SOX6: variants seen among roughly 807,000 people sequenced by gnomAD.
SOX6 encodes the protein SRY-box transcription factor 6.
A neutral mutation model predicts 97.8 loss-of-function variants in SOX6; 11 were observed. That is an observed-to-expected ratio of 0.11 (90% CI 0.07 to 0.19). The LOEUF is 0.19. Ranked by LOEUF, SOX6 falls within the 10% of genes least tolerant of loss-of-function variation. The pLI, the probability that SOX6 is intolerant of heterozygous loss-of-function variation, is 1.00. For missense variants in SOX6, 810 were observed against 1,039.5 expected (o/e 0.78, Z 3.04); for synonymous variants, 360 against 371.4 (o/e 0.97, Z 0.35).
At chr11:16,730,388 C>A (rs1848340535) in intron 2 of SOX6, among the ~76,000 whole-genome samples, 1 of 152,102 alleles carries the variant, frequency 6.6e-6, no homozygotes, top group South Asian at 2.1e-4. Context: ...GAAGTAAAAA[C>A]CAACAGTCTT....
chr11:16,712,078 TACACACACACACACAC>T (rs58807051), intron 3 of SOX6, among the ~76,000 whole-genome samples: 17 of 139,998 alleles, frequency 1.2e-4, no homozygotes, highest in South Asian at 4.8e-4. Context: ...TAGTATTCCA[TACACACACACACACAC>T]ACACACACAC....
chr11:16,557,893 C>T (rs1241866263), intron 4 of SOX6, among the ~76,000 whole-genome samples: 2 of 151,810 alleles, frequency 1.3e-5, no homozygotes, highest in Non-Finnish European at 1.5e-5. Context: ...ATAGCTACAA[C>T]ATAATGGCTT....
chr11:16,674,133 T>A (rs2134025964), intron 3 of SOX6, among the ~76,000 whole-genome samples: 1 of 135,066 alleles, frequency 7.4e-6, no homozygotes, highest in Admixed American at 9.4e-5. Flanking sequence ...GAGCTTGCAG[T>A]GAGTCGAGAT....
intron 1 of SOX6, among the ~76,000 whole-genome samples, chr11:16,422,961 T>C (rs1347872983): frequency 1.3e-5 from 2 of 152,202 alleles, no homozygotes; most frequent in African/African-American, 2.4e-5. Context: ...TCTTCTATAG[T>C]CTATTCTTCT....
chr11:16,646,846 T>G (rs1849021490), intron 3 of SOX6, among the ~76,000 whole-genome samples: 1 of 152,208 alleles, frequency 6.6e-6, no homozygotes, highest in Admixed American at 6.5e-5. Context: ...GCTATAAACA[T>G]GCATGTGCAA....
chr11:16,017,271 A>G (rs1347319979), intron 12 of SOX6, among the ~76,000 whole-genome samples: 3 of 152,156 alleles, frequency 2.0e-5, no homozygotes, highest in Non-Finnish European at 4.4e-5. Flanking sequence ...TTCATTGAAA[A>G]AAAAATCTTC....
chr11:16,297,116 G>C (rs937131157), intron 3 of SOX6, among the ~76,000 whole-genome samples: 26 of 152,154 alleles, frequency 1.7e-4, no homozygotes, highest in African/African-American at 6.3e-4. Flanking sequence ...AAGCAGATGA[G>C]AGAGAATGCA....
intron 4 of SOX6, among the ~76,000 whole-genome samples, chr11:16,191,291 C>A (rs1851623724): frequency 6.6e-6 from 1 of 151,960 alleles, no homozygotes. Flanking sequence ...CCTGTCTCTC[C>A]AAAAATTTTT....
At chr11:16,673,085 A>G (rs973846145) in intron 3 of SOX6, among the ~76,000 whole-genome samples, 1 of 152,206 alleles carries the variant, frequency 6.6e-6, no homozygotes, top group Non-Finnish European at 1.5e-5. Flanking sequence ...AACAAAAACA[A>G]AAACAAAACA....
At chr11:16,696,913 A>C (rs1385915481) in intron 3 of SOX6, among the ~76,000 whole-genome samples, 1 of 151,762 alleles carries the variant, frequency 6.6e-6, no homozygotes, top group Non-Finnish European at 1.5e-5. Context: ...ACTTCTTTCA[A>C]AGTTGGAGTC....
chr11:16,336,509 A>G (rs2134332804), intron 2 of SOX6, among the ~76,000 whole-genome samples: 1 of 152,280 alleles, frequency 6.6e-6, no homozygotes. Flanking sequence ...TCTTCTGCTT[A>G]TCATCAATCA....
intron 3 of SOX6, among the ~76,000 whole-genome samples, chr11:16,647,573 C>T (rs911759571): frequency 1.3e-5 from 2 of 152,132 alleles, no homozygotes; most frequent in Non-Finnish European, 1.5e-5. Context: ...TGATCTTTTG[C>T]TCCAAGAACC....
At chr11:16,716,717 G>A (rs1374993476) in intron 2 of SOX6, among the ~76,000 whole-genome samples, 1 of 151,492 alleles carries the variant, frequency 6.6e-6, no homozygotes, top group Non-Finnish European at 1.5e-5. Flanking sequence ...TCATACAATG[G>A]CATACTATAT....
intron 14 of SOX6, among the ~76,000 whole-genome samples, chr11:15,987,236 A>G (rs1236443378): frequency 6.6e-6 from 1 of 152,182 alleles, no homozygotes; most frequent in East Asian, 1.9e-4. Flanking sequence ...ACTGGATGTT[A>G]GCGATTCTTC....
At chr11:16,732,877 TAAAAC>T (rs1430398949) in intron 2 of SOX6, among the ~76,000 whole-genome samples, 2 of 152,036 alleles carry the variant, frequency 1.3e-5, no homozygotes, top group African/African-American at 4.8e-5. Flanking sequence ...GCACAGAACT[TAAAAC>T]AAATTTACAA....
chr11:16,619,490 C>T (rs530496341), intron 3 of SOX6, among the ~76,000 whole-genome samples: 3 of 151,990 alleles, frequency 2.0e-5, no homozygotes, highest in Admixed American at 6.6e-5. Context: ...TTATTATCCA[C>T]GATGTCTTTC....
intron 6 of SOX6, among the ~76,000 whole-genome samples, chr11:16,177,982 A>G (rs543337293): frequency 2.0e-5 from 3 of 152,024 alleles, no homozygotes; most frequent in African/African-American, 7.2e-5. Context: ...ACAGATAGAG[A>G]AGGGCGGGTT....
intron 3 of SOX6, among the ~76,000 whole-genome samples, chr11:16,309,679 A>C (rs1341579302): frequency 6.6e-6 from 1 of 152,112 alleles, no homozygotes; most frequent in African/African-American, 2.4e-5. Flanking sequence ...CATATCAAAT[A>C]TTACATAATA....
Position 15,972,658 on chromosome 11 carries a change from AAAC to A in SOX6, c.*148_*150del. The A allele has an allele frequency of 1.2e-6, 1 of 805,676 alleles. No homozygotes were observed. The highest frequency in any genetic ancestry group is 2.0e-6 in the Non-Finnish European group (1 of 510,038). The allele number at this position is 805,676 out of a possible 1,614,324, so 49.9% of individuals were successfully genotyped here. A position where few individuals can be genotyped will look rare whatever the true frequency, so the allele number is the denominator to read the frequency against. On this transcript the variant is annotated 3_prime_UTR_variant, in exon 16 of 16. Coordinates refer to ENST00000683767, the MANE Select transcript of SOX6 (RefSeq NM_001367873.1). Reference sequence around the variant, plus strand: ...ACTCAAGTTCATGAAAAATCAGGGAAAACTTAATCTGTCTCACACTTTACGAAA... The same window carrying A: ...ACTCAAGTTCATGAAAAATCAGGGAATTAATCTGTCTCACACTTTACGAAA...
Sources: gnomAD v4.1 joint callset for allele counts (sites outside exome capture counted in the v4.1 genomes callset) on GRCh38, gnomAD v4.1.1 for gene constraint, MANE v1.5 for transcripts, NCBI Gene and HGNC (gene_info 2026-07-23, HGNC 2026-07-21) for gene names.